Variants in DHRSX observed in about 807,000 individuals in gnomAD.
The protein encoded by DHRSX is polyprenol dehydrogenase.
DHRSX carries 31 observed loss-of-function variants against 34.0 expected under a neutral mutation model. That is an observed-to-expected ratio of 0.91 (90% CI 0.69 to 1.23). The LOEUF is 1.23. Among genes scored for constraint, DHRSX ranks in the 50% most tolerant of loss-of-function variants. The probability of loss-of-function intolerance (pLI) is 0.00; values close to 1 mark genes in which losing one functional copy is unlikely to be tolerated. For synonymous variants in DHRSX, 201 were observed against 183.8 expected, an observed-to-expected ratio of 1.09 and a Z score of -0.76; for missense variants, 414 against 428.1, an observed-to-expected ratio of 0.97 and a Z score of 0.29.
intron 3 of DHRSX, among the ~76,000 whole-genome samples, chrX:2,380,687 T>A (rs975145082): frequency 6.6e-6 from 1 of 152,070 alleles, no homozygotes; most frequent in Admixed American, 6.6e-5. Flanking sequence ...GGTCTGACAG[T>A]TTAGAAGTGT....
chrX:2,409,478 A>T (rs1455952308), intron 2 of DHRSX, among the ~76,000 whole-genome samples: 2 of 151,968 alleles, frequency 1.3e-5, no homozygotes, highest in Non-Finnish European at 2.9e-5. Context: ...CCCTGTGTCC[A>T]TGCGTTCTCA....
At chrX:2,360,319 T>G (rs997893726) in intron 3 of DHRSX, among the ~76,000 whole-genome samples, 5 of 152,300 alleles carry the variant, frequency 3.3e-5, no homozygotes, top group Admixed American at 3.3e-4. Context: ...GCGTGGTGGC[T>G]CACGCCTGTA....
intron 2 of DHRSX, among the ~76,000 whole-genome samples, chrX:2,409,731 T>C (rs1184507262): frequency 1.3e-5 from 2 of 151,298 alleles, no homozygotes; most frequent in African/African-American, 2.4e-5. Context: ...TTTGTTTTTT[T>C]GTTTTGTTTT....
At chrX:2,356,482 G>C (rs1367343543) in intron 3 of DHRSX, among the ~76,000 whole-genome samples, 6 of 152,186 alleles carry the variant, frequency 3.9e-5, no homozygotes, top group Non-Finnish European at 7.3e-5. Flanking sequence ...GAAGTGATTG[G>C]AGAAAAGAAC....
intron 2 of DHRSX, among the ~76,000 whole-genome samples, chrX:2,413,066 G>A (rs977205734): frequency 1.2e-4 from 18 of 152,106 alleles, no homozygotes; most frequent in Admixed American, 7.2e-4. Flanking sequence ...ACGGTGGCAT[G>A]CACCTGTAGT....
chrX:2,428,567 C>T (rs1432936293), intron 1 of DHRSX, among the ~76,000 whole-genome samples: 1 of 151,966 alleles, frequency 6.6e-6, no homozygotes, highest in African/African-American at 2.4e-5. Flanking sequence ...GGGAGTTGAA[C>T]AATGAGAACA....
chrX:2,305,704 T>G (rs1602909015), intron 3 of DHRSX, among the ~76,000 whole-genome samples: 1 of 151,970 alleles, frequency 6.6e-6, no homozygotes, highest in African/African-American at 2.4e-5. Flanking sequence ...CACGGATGAA[T>G]CTGGAAACCA....
At chrX:2,282,581 A>AGAGAGAGACGAAAGAGGG (rs2041722337) in intron 4 of DHRSX, among the ~76,000 whole-genome samples, 1 of 100,040 alleles carries the variant, frequency 1.0e-5, no homozygotes. Flanking sequence ...ACAGAAAGGG[A>AGAGAGAGACGAAAGAGGG]GAGAGAGAAG....
At chrX:2,287,811 T>C (rs1168165310) in intron 4 of DHRSX, among the ~76,000 whole-genome samples, 7 of 152,320 alleles carry the variant, frequency 4.6e-5, no homozygotes, top group Middle Eastern at 3.4e-3. Context: ...CTAATCCTCA[T>C]GTGGAAGACT....
intron 5 of DHRSX, among the ~76,000 whole-genome samples, chrX:2,264,105 G>A (rs914803252): frequency 6.6e-6 from 1 of 152,198 alleles, no homozygotes; most frequent in Non-Finnish European, 1.5e-5. Context: ...ATCGCACATT[G>A]CTAAGTTGCC....
At chrX:2,420,331 C>A (rs2043762025) in intron 2 of DHRSX, among the ~76,000 whole-genome samples, 1 of 151,668 alleles carries the variant, frequency 6.6e-6, no homozygotes, top group Admixed American at 6.6e-5. Context: ...TCGCTTCAAC[C>A]CGGGAGGCAG....
At chrX:2,474,792 CAA>C (rs981487926) in intron 1 of DHRSX, among the ~76,000 whole-genome samples, 5 of 150,278 alleles carry the variant, frequency 3.3e-5, no homozygotes, top group African/African-American at 1.2e-4. Flanking sequence ...AGCATGTGGC[CAA>C]GAGACTGCCA....
intron 1 of DHRSX, chrX:2,490,091 T>A (rs1291758007): frequency 6.2e-7 from 1 of 1,613,796 alleles, no homozygotes; most frequent in Non-Finnish European, 8.5e-7. Context: ...CAGCGTGACG[T>A]AGGCGCGGTT....
At chrX:2,266,273 C>A (rs1177866686) in intron 5 of DHRSX, among the ~76,000 whole-genome samples, 1 of 140,136 alleles carries the variant, frequency 7.1e-6, no homozygotes, top group Non-Finnish European at 1.5e-5. Context: ...CCTCAGAGCA[C>A]CGGTGTACAG....
At chrX:2,419,677 A>T (rs1339007170) in intron 2 of DHRSX, among the ~76,000 whole-genome samples, 1 of 152,046 alleles carries the variant, frequency 6.6e-6, no homozygotes, top group Non-Finnish European at 1.5e-5. Flanking sequence ...AGGGACATGG[A>T]TGAAGCTGGA....
intron 1 of DHRSX, among the ~76,000 whole-genome samples, chrX:2,428,641 G>A (rs1430561158): frequency 6.6e-6 from 1 of 152,274 alleles, no homozygotes; most frequent in East Asian, 1.9e-4. Context: ...ACTAGGGGAG[G>A]GAGAGCATTA....
rs764026825 is a variant in DHRSX, at chrX:2,489,519, G to A, written c.109+11298C>T. ...TCGGCCACCTGCTTGAAGGGCTGCA[G>A]GAGCTCCACCAGCCCCTCGATGGTG... On this transcript the variant is annotated intron_variant, in intron 1 of 6. Coordinates refer to ENST00000334651, the MANE Select transcript of DHRSX (RefSeq NM_145177.3). 5.0e-6 allele frequency: 8 copies of A among 1,612,952 alleles called. 1 individual carries two copies. Among genetic ancestry groups the A allele is most frequent in the Non-Finnish European group, 1.7e-6 (2 of 1,179,844 alleles).
intron 3 of DHRSX, among the ~76,000 whole-genome samples, chrX:2,340,221 G>A (rs2124561339): frequency 6.6e-6 from 1 of 152,042 alleles, no homozygotes; most frequent in East Asian, 1.9e-4. Flanking sequence ...GATAGTATTA[G>A]GACAAGTATC....
At chrX:2,425,050 G>A (rs1453911551) in intron 2 of DHRSX, 147 bp downstream of exon 2, 2 of 639,814 alleles carry the variant, frequency 3.1e-6, no homozygotes, top group Non-Finnish European at 5.6e-6. Context: ...TGAGGTAGGA[G>A]AATCACTTTA....
Sources: gnomAD v4.1 joint callset for allele counts (sites outside exome capture counted in the v4.1 genomes callset) on GRCh38, gnomAD v4.1.1 for gene constraint, MANE v1.5 for transcripts, NCBI Gene and HGNC (gene_info 2026-07-23, HGNC 2026-07-21) for gene names.